The following TM2D1 variants were observed in gnomAD, a reference collection of about 807,000 sequenced individuals.
TM2D1 encodes TM2 domain-containing protein 1.
In TM2D1, 15 loss-of-function variants were observed where a neutral mutation model predicts 28.4. That is an observed-to-expected ratio of 0.53 (90% CI 0.35 to 0.81). TM2D1 has a LOEUF of 0.81. Among genes scored for constraint, TM2D1 ranks in the 40% least tolerant of loss-of-function variants. TM2D1 has a pLI of 0.01. For synonymous variants in TM2D1, 93 were observed against 96.2 expected, an observed-to-expected ratio of 0.97 and a Z score of 0.20; for missense variants, 236 against 254.9, an observed-to-expected ratio of 0.93 and a Z score of 0.50.
At chr1:61,705,153 G>T (rs1332870621) in intron 3 of TM2D1, among the ~76,000 whole-genome samples, 1 of 152,108 alleles carries the variant, frequency 6.6e-6, no homozygotes, top group East Asian at 1.9e-4. Context: ...TCACCCTAAA[G>T]AATAATCTGA....
At chr1:61,689,895 T>C (rs1644311473) in intron 5 of TM2D1, among the ~76,000 whole-genome samples, 1 of 152,176 alleles carries the variant, frequency 6.6e-6, no homozygotes, top group South Asian at 2.1e-4. Context: ...GTTTTGAATG[T>C]TTGTGTCCCT....
At chr1:61,703,301 T>G (rs1158523816) in intron 3 of TM2D1, among the ~76,000 whole-genome samples, 3 of 147,468 alleles carry the variant, frequency 2.0e-5, no homozygotes, top group African/African-American at 7.4e-5. Flanking sequence ...GGTAATATGT[T>G]TTACATTAAA....
intron 5 of TM2D1, among the ~76,000 whole-genome samples, chr1:61,689,398 C>T (rs1030945756): frequency 5.3e-5 from 8 of 152,144 alleles, no homozygotes; most frequent in Non-Finnish European, 1.2e-4. Context: ...GGGTCTCACT[C>T]TGTTGCTCAT....
At chr1:61,714,650 G>A (rs7539026) in intron 2 of TM2D1, among the ~76,000 whole-genome samples, 26,850 of 152,160 alleles carry the variant, frequency 0.18, 2,987 homozygotes, top group Non-Finnish European at 0.25. Context: ...AACCCCCTGG[G>A]CTTAAGAGAC....
intron 5 of TM2D1, chr1:61,686,874 G>C (rs1644289294): frequency 3.7e-5 from 35 of 938,282 alleles, no homozygotes; most frequent in Non-Finnish European, 4.3e-5. Context: ...AATGAGTTAT[G>C]ATCACGCCAC....
intron 3 of TM2D1, among the ~76,000 whole-genome samples, chr1:61,701,310 CAAAAAAAAAAAAAA>C (rs10587870): frequency 3.3e-4 from 28 of 84,042 alleles, no homozygotes; most frequent in South Asian, 5.8e-4. Context: ...TAAATGTTAA[CAAAAAAAAAAAAAA>C]AAAAAAAAAA....
chr1:61,701,577 G>A lies in TM2D1; in HGVS notation c.348-552C>T, dbSNP rs763086038. ...CTTTCGTGTGTGTGTGTGTGTGTGTGTGTGTGTGTGTGTATTTTATTGCAC... is the reference window on the plus strand; with the variant it reads ...CTTTCGTGTGTGTGTGTGTGTGTGTATGTGTGTGTGTGTATTTTATTGCAC... On this transcript the variant is annotated intron_variant, in intron 3 of 6. Transcript: ENST00000606498. 1.5e-3 allele frequency among the ~76,000 whole-genome samples: 225 copies of A among 151,930 alleles called. 1 individual carries two copies. Among genetic ancestry groups the A allele is most frequent in the South Asian group, 4.0e-3 (19 of 4,792 alleles).
chr1:61,699,156 A>G (rs1644384541), intron 4 of TM2D1: 1 of 152,106 alleles, frequency 6.6e-6, no homozygotes, highest in African/African-American at 2.4e-5. Flanking sequence ...CAGCCTGTGC[A>G]ACACGGCAAA....
At chr1:61,694,848 C>CATT (rs1296330247) in intron 4 of TM2D1, 78 bp from the exon 5 acceptor site, 2 of 788,230 alleles carry the variant, frequency 2.5e-6, no homozygotes, top group Non-Finnish European at 4.0e-6. Flanking sequence ...TCCAATAAAC[C>CATT]ATTATTATAT....
intron 5 of TM2D1, among the ~76,000 whole-genome samples, chr1:61,691,776 G>A (rs1411112113): frequency 6.7e-6 from 1 of 149,302 alleles, no homozygotes; most frequent in African/African-American, 2.5e-5. Flanking sequence ...TTAGCCAGGC[G>A]TAGTGGTGTG....
Position 61,723,716 on chromosome 1 carries a change from G to C in TM2D1, c.235C>G (p.His79Asp), listed in dbSNP as rs779409465. ...GACATGTTTCTTGAAGTCTTACCATGAGCTGTGTAGTTTGTACAGTTAACT... is the reference window on the plus strand; with the variant it reads ...GACATGTTTCTTGAAGTCTTACCATCAGCTGTGTAGTTTGTACAGTTAACT... The part of the protein sequence containing the change: ...EPVNCTNYTA[H>D]VSCFPAPNIT... The change falls in exon 2 of 7, where the codon CAT becomes GAT. Residue 79 changes from histidine to aspartate, a missense_variant. Transcript: ENST00000606498. The C allele has an allele frequency of 6.6e-7, 1 of 1,516,424 alleles. No individual in the cohort carries two copies. The highest frequency in any genetic ancestry group is 2.3e-5 in the East Asian group (1 of 43,058). 93.9% of individuals were successfully genotyped at this position (1,516,424 alleles called of 1,614,324 possible).
intron 5 of TM2D1, chr1:61,694,383 A>G (rs1036785766): frequency 4.2e-5 from 8 of 190,188 alleles, no homozygotes; most frequent in Non-Finnish European, 6.4e-5. Context: ...CATATATTAA[A>G]AAGATTTTGA....
chr1:61,709,396 T>C lies in TM2D1; in HGVS notation c.280A>G (p.Ser94Gly). ...PAPNITCKDS[S>G]GNETHFTGNE... ...CCAGTAAAATGTGTTTCATTGCCAC[T>C]GGAATCCTTACAAGTTATGTTGGGT... is the stretch of plus-strand genomic sequence containing the variant. The change falls in exon 3 of 7, where the codon AGT becomes GGT. Residue 94 changes from serine to glycine, a missense_variant. By Grantham distance (56) the Ser-to-Gly change is moderately conservative. Around this residue, in one of 3 missense-constraint regions of TM2D1, gnomAD observed 167 missense variants for 162.7 expected, o/e 1.03. Coordinates refer to ENST00000606498, the MANE Select transcript of TM2D1 (RefSeq NM_032027.3). 6.2e-7 allele frequency: 1 copy of C among 1,612,898 alleles called. No homozygotes were observed. The highest frequency in any genetic ancestry group is 8.5e-7 in the Non-Finnish European group (1 of 1,179,206).
At chr1:61,704,092 G>A (rs1282673181) in intron 3 of TM2D1, among the ~76,000 whole-genome samples, 1 of 151,802 alleles carries the variant, frequency 6.6e-6, no homozygotes, top group Non-Finnish European at 1.5e-5. Context: ...TTTTCACCAT[G>A]TTGTCCAGGC....
chr1:61,700,621 T>C (rs1219837875), intron 4 of TM2D1, among the ~76,000 whole-genome samples: 1 of 152,166 alleles, frequency 6.6e-6, no homozygotes, highest in Non-Finnish European at 1.5e-5. Flanking sequence ...CATTTATTCG[T>C]AAAACATTAA....
chr1:61,691,094 T>G (rs1424545716), intron 5 of TM2D1, among the ~76,000 whole-genome samples: 1 of 152,190 alleles, frequency 6.6e-6, no homozygotes, highest in Non-Finnish European at 1.5e-5. Context: ...CCATTTTCCC[T>G]CCACATATCC....
At chr1:61,717,624 A>C (rs1391292401) in intron 2 of TM2D1, among the ~76,000 whole-genome samples, 1 of 151,898 alleles carries the variant, frequency 6.6e-6, no homozygotes, top group Non-Finnish European at 1.5e-5. Flanking sequence ...CCCAAGATGG[A>C]GTGAAGTGGC....
chr1:61,715,376 G>C (rs919177112), intron 2 of TM2D1, among the ~76,000 whole-genome samples: 1 of 151,890 alleles, frequency 6.6e-6, no homozygotes, highest in Non-Finnish European at 1.5e-5. Context: ...CATTTAAAAA[G>C]CATACAGGCT....
chr1:61,724,930 T>TG (rs768688314), intron 1 of TM2D1, 27 bp downstream of exon 1: 41 of 1,562,858 alleles, frequency 2.6e-5, no homozygotes, highest in East Asian at 4.5e-5. Context: ...CTCGCCTCCA[T>TG]GGGGGGGTGT....
Sources: gnomAD v4.1 joint callset for allele counts (sites outside exome capture counted in the v4.1 genomes callset) on GRCh38, gnomAD v4.1.1 for gene constraint, gnomAD v4.1.1 regional missense constraint, MANE v1.5 for transcripts, NCBI Gene and HGNC (gene_info 2026-07-23, HGNC 2026-07-21) for gene names.